Variants in TIAM2 observed in about 807,000 individuals in gnomAD.
The protein encoded by TIAM2 is rho guanine nucleotide exchange factor TIAM2.
A neutral mutation model predicts 152.9 loss-of-function variants in TIAM2; 80 were observed. The observed-to-expected ratio is 0.52, with a 90% CI of 0.44 to 0.63. TIAM2 has a LOEUF of 0.63. TIAM2 is among the 30% of genes least tolerant of loss of function. TIAM2 has a pLI of 0.00. For missense variants in TIAM2, 1,965 were observed against 2,120.1 expected (o/e 0.93, Z 1.44); for synonymous variants, 804 against 838.0 (o/e 0.96, Z 0.70).
chr6:155,176,323 T>C (rs1427737717), intron 9 of TIAM2, among the ~76,000 whole-genome samples: 2 of 152,202 alleles, frequency 1.3e-5, no homozygotes, highest in African/African-American at 4.8e-5. Flanking sequence ...AACCTCTGCC[T>C]CCCAGGTTCA....
intron 7 of TIAM2, among the ~76,000 whole-genome samples, chr6:155,151,089 C>T (rs1222434556): frequency 6.6e-6 from 1 of 152,160 alleles, no homozygotes; most frequent in Non-Finnish European, 1.5e-5. Context: ...GAATAGCTTC[C>T]CCTGGTATCA....
rs1562377115 is a variant in TIAM2 at position 155,254,519 on chromosome 6, TG to T, written c.4415del (p.Cys1472LeufsTer18). Reference sequence around the variant, plus strand: ...GTGTGAATTACCACTGGAGAAAACGTGTAAGGATCGCCTGGTACCTCTTAAG... The same window carrying T: ...GTGTGAATTACCACTGGAGAAAACGTTAAGGATCGCCTGGTACCTCTTAAG... ...IKCELPLEKT[C>X]KDRLVPLKNR... On this transcript the variant is annotated frameshift_variant, in exon 26 of 27. Transcript: ENST00000682666. LOFTEE classifies it high-confidence loss of function. 6.2e-7 allele frequency: 1 copy of T among 1,614,172 alleles called. No homozygotes were observed. The highest frequency in any genetic ancestry group is 8.5e-7 in the Non-Finnish European group (1 of 1,179,978).
At position 155,239,941 on chromosome 6, in the gene TIAM2, G is replaced by A. The variant is rs554854459; in HGVS notation, c.3169-589G>A. ...TCTGCTTCTACTCCATTACTAGCAT[G>A]TGCACCAGCTCAAGAGTTTCTCACT... On this transcript the variant is annotated intron_variant, in intron 15 of 26. Transcript: ENST00000682666. Among the ~76,000 whole-genome samples, 4 of 152,190 alleles carry A rather than the reference G, an allele frequency of 2.6e-5. 1 individual carries two copies. Among genetic ancestry groups the A allele is most frequent in the African/African-American group, 9.6e-5 (4 of 41,546 alleles).
intron 14 of TIAM2, among the ~76,000 whole-genome samples, chr6:155,204,082 G>A (rs935520732): frequency 6.6e-6 from 1 of 152,124 alleles, no homozygotes; most frequent in South Asian, 2.1e-4. Context: ...CAGTGATCAC[G>A]TTAATCCCAT....
chr6:155,117,120 A>ATTTTTTTTTTTTTTTTTTTTTTTTTGAG (rs1554231601), intron 2 of TIAM2, among the ~76,000 whole-genome samples: 1 of 151,552 alleles, frequency 6.6e-6, no homozygotes, highest in African/African-American at 2.4e-5. Context: ...AATAATTTCT[A>ATTTTTTTTTTTTTTTTTTTTTTTTTGAG]AAAGAAAAAT....
intron 1 of TIAM2, among the ~76,000 whole-genome samples, chr6:155,075,906 A>AC (rs1404027577): frequency 6.6e-6 from 1 of 152,196 alleles, no homozygotes; most frequent in East Asian, 1.9e-4. Flanking sequence ...TCTTACACTT[A>AC]TTCATATGAC....
intron 23 of TIAM2, among the ~76,000 whole-genome samples, chr6:155,252,260 C>T (rs367864278): frequency 2.0e-5 from 3 of 152,158 alleles, no homozygotes; most frequent in African/African-American, 7.2e-5. Flanking sequence ...AGGCTTGAGC[C>T]CAGGAATTTG....
intron 1 of TIAM2, among the ~76,000 whole-genome samples, chr6:155,077,510 T>C (rs1310359550): frequency 1.3e-5 from 2 of 152,194 alleles, no homozygotes; most frequent in Admixed American, 1.3e-4. Context: ...TAACGGACAT[T>C]GAGGCCTGGC....
At chr6:155,164,142 TTTTC>T (rs1780353533) in intron 7 of TIAM2, among the ~76,000 whole-genome samples, 2 of 141,318 alleles carry the variant, frequency 1.4e-5, no homozygotes, top group Non-Finnish European at 3.1e-5. Context: ...TGTTTTTTTT[TTTTC>T]TTTTTTTTAG....
At chr6:155,028,017 G>A (rs1462350250) in intron 1 of TIAM2, among the ~76,000 whole-genome samples, 1 of 125,730 alleles carries the variant, frequency 8.0e-6, no homozygotes. Flanking sequence ...TATATGTACT[G>A]TGTTATATAC....
Position 155,250,971 on chromosome 6 carries a change from C to T in TIAM2, c.4010C>T (p.Pro1337Leu). 1 of 1,614,162 alleles carries T rather than the reference C, an allele frequency of 6.2e-7. No individual in the cohort carries two copies. The highest frequency in any genetic ancestry group is 2.2e-5 in the East Asian group (1 of 44,872). Reference sequence around the variant, plus strand: ...CACTCTACGGTTTCCTGGTTGAATCCATTTCTGTCTCTAGGAAAAGCTAGA... The same window carrying T: ...CACTCTACGGTTTCCTGGTTGAATCTATTTCTGTCTCTAGGAAAAGCTAGA... ...LMHSTVSWLN[P>L]FLSLGKARKD... Residue 1337 changes from proline to leucine, a missense_variant, in exon 22 of 27, where the codon CCA becomes CTA. Transcript: ENST00000682666.
At chr6:155,207,045 G>C (rs924893367) in intron 14 of TIAM2, among the ~76,000 whole-genome samples, 2 of 152,138 alleles carry the variant, frequency 1.3e-5, no homozygotes, top group East Asian at 3.9e-4. Flanking sequence ...TCCTGATGAG[G>C]CTCTTCCAGG....
intron 4 of TIAM2, among the ~76,000 whole-genome samples, chr6:155,132,381 G>A (rs916623237): frequency 2.0e-5 from 3 of 151,378 alleles, no homozygotes; most frequent in Non-Finnish European, 4.4e-5. Context: ...TGTATATAGC[G>A]TGTCTGCCTC....
At chr6:155,111,500 TA>T (rs529286540) in intron 2 of TIAM2, among the ~76,000 whole-genome samples, 1 of 152,150 alleles carries the variant, frequency 6.6e-6, no homozygotes, top group Non-Finnish European at 1.5e-5. Flanking sequence ...AAATAGAAAT[TA>T]CAAGACAACA....
intron 2 of TIAM2, among the ~76,000 whole-genome samples, chr6:155,102,767 T>TTGTGTGTGTGTG (rs56117781): frequency 4.1e-5 from 6 of 145,650 alleles, no homozygotes; most frequent in African/African-American, 1.5e-4. Context: ...GATTAATTTA[T>TTGTGTGTGTGTG]TGTGTGTGTG....
chr6:155,185,763 C>T (rs1368987036), intron 14 of TIAM2, among the ~76,000 whole-genome samples: 1 of 152,130 alleles, frequency 6.6e-6, no homozygotes, highest in Non-Finnish European at 1.5e-5. Flanking sequence ...CTAACCCTTT[C>T]CTGGTGTCCT....
At chr6:155,019,072 A>G (rs1020053427) in intron 1 of TIAM2, among the ~76,000 whole-genome samples, 1 of 149,918 alleles carries the variant, frequency 6.7e-6, no homozygotes, top group Non-Finnish European at 1.5e-5. Context: ...ACAGTGGCTC[A>G]TGCCTGTAAT....
intron 1 of TIAM2, among the ~76,000 whole-genome samples, chr6:155,037,589 C>T (rs1296253931): frequency 6.6e-6 from 1 of 152,106 alleles, no homozygotes; most frequent in African/African-American, 2.4e-5. Context: ...AGTGCAGTGG[C>T]GCAATCTCTG....
At chr6:155,172,632 CTAGTTGGAAATATATATATATATATATAT>C (rs1404902015) in intron 9 of TIAM2, among the ~76,000 whole-genome samples, 10 of 97,210 alleles carry the variant, frequency 1.0e-4, no homozygotes, top group African/African-American at 3.2e-4. Flanking sequence ...CTTGAAGAGG[CTAGTTGGAAATATATATATATATATATAT>C]ATATATATAT....
Sources: gnomAD v4.1 joint callset for allele counts (sites outside exome capture counted in the v4.1 genomes callset) on GRCh38, gnomAD v4.1.1 for gene constraint, MANE v1.5 for transcripts, NCBI Gene and HGNC (gene_info 2026-07-23, HGNC 2026-07-21) for gene names.